The following ZHX2 variants were observed in gnomAD, a reference collection of about 807,000 sequenced individuals.
ZHX2 encodes the protein zinc fingers and homeoboxes 2, also known as zinc fingers and homeoboxes protein 2.
ZHX2 carries 6 observed loss-of-function variants against 21.9 expected under a neutral mutation model. The ratio of observed to expected loss-of-function variants is 0.27; its 90% confidence interval spans 0.15 to 0.54. The LOEUF is 0.54. ZHX2 is among the 20% of genes least tolerant of loss of function. The pLI is 0.95. For missense variants in ZHX2, 908 were observed against 1,090.7 expected (o/e 0.83, Z 2.36); for synonymous variants, 434 against 437.1 (o/e 0.99, Z 0.09).
At chr8:122,852,730 G>A (rs1288121129) in intron 1 of ZHX2, among the ~76,000 whole-genome samples, 1 of 152,206 alleles carries the variant, frequency 6.6e-6, no homozygotes, top group African/African-American at 2.4e-5. Flanking sequence ...AGAATGGGAC[G>A]AGACGGGGCA....
At chr8:122,962,275 C>G (rs962736335) in intron 3 of ZHX2, among the ~76,000 whole-genome samples, 7 of 152,178 alleles carry the variant, frequency 4.6e-5, no homozygotes, top group African/African-American at 1.7e-4. Context: ...CCCTGACCCC[C>G]CTCTCATCCT....
chr8:122,894,873 A>C (rs1236278041), intron 2 of ZHX2, among the ~76,000 whole-genome samples: 5 of 152,286 alleles, frequency 3.3e-5, no homozygotes, highest in Non-Finnish European at 5.9e-5. Context: ...CACATGAGGA[A>C]ACAGGTTATG....
In ZHX2 at chr8:122,835,625, G is replaced by C. The variant is rs188571576; in HGVS notation, c.-282-27852G>C. Among the ~76,000 whole-genome samples, 42 of 152,276 alleles carry C rather than the reference G, an allele frequency of 2.8e-4. 1 individual carries two copies. The highest frequency in any genetic ancestry group is 5.0e-4 in the Non-Finnish European group (34 of 68,022). Reference sequence around the variant, plus strand: ...AGATGGTTGAGAGGAAGAGGTAAGGGCTGGGAGGGGTGGACAGCAGTCTGC... The same window carrying C: ...AGATGGTTGAGAGGAAGAGGTAAGGCCTGGGAGGGGTGGACAGCAGTCTGC... On this transcript the variant is annotated intron_variant, in intron 1 of 3. Coordinates refer to ENST00000314393, the MANE Select transcript of ZHX2 (RefSeq NM_014943.5).
At chr8:122,831,008 G>T (rs1818362265) in intron 1 of ZHX2, among the ~76,000 whole-genome samples, 1 of 152,170 alleles carries the variant, frequency 6.6e-6, no homozygotes, top group African/African-American at 2.4e-5. Flanking sequence ...TATTCTTAAG[G>T]ATGTAGAGTC....
chr8:122,857,087 C>T (rs1371183528), intron 1 of ZHX2, among the ~76,000 whole-genome samples: 11 of 152,172 alleles, frequency 7.2e-5, no homozygotes, highest in Admixed American at 7.2e-4. Flanking sequence ...CCTCTCCCTG[C>T]CTGGTGTGCG....
intron 1 of ZHX2, among the ~76,000 whole-genome samples, chr8:122,861,484 C>G (rs1819166225): frequency 1.3e-5 from 2 of 152,116 alleles, no homozygotes; most frequent in East Asian, 3.9e-4. Flanking sequence ...GGTCATGCAC[C>G]CTGCATGGGT....
Position 122,952,209 on chromosome 8 carries a change from G to A in ZHX2, c.699G>A (p.Glu233=), listed in dbSNP as rs1471163033. The change falls in exon 3 of 4, where the codon GAG becomes GAA. Residue 233 remains glutamate, a synonymous_variant. Transcript: ENST00000314393. The surrounding 1 kb of genome is among the most constrained non-coding windows in gnomAD (Gnocchi z 6.9). The part of the protein sequence containing the change: ...AEILSRLGGV[E]LLQDTLGHVM... Reference sequence around the variant, plus strand: ...TCCTCTCGAGACTCGGCGGGGTGGAGCTCCTCCAAGACACATTAGGACACG... The same window carrying A: ...TCCTCTCGAGACTCGGCGGGGTGGAACTCCTCCAAGACACATTAGGACACG... The A allele has an allele frequency of 1.9e-6, 3 of 1,613,490 alleles. No individual in the cohort carries two copies. The highest frequency in any genetic ancestry group is 4.5e-5 in the East Asian group (2 of 44,842).
At chr8:122,957,313 A>AAT (rs1813329797) in intron 3 of ZHX2, among the ~76,000 whole-genome samples, 1 of 150,424 alleles carries the variant, frequency 6.6e-6, no homozygotes, top group Non-Finnish European at 1.5e-5. Flanking sequence ...AAAAAAAAAA[A>AAT]ACATGCAGGA....
chr8:122,834,460 G>A (rs965841958), intron 1 of ZHX2, among the ~76,000 whole-genome samples: 1 of 152,232 alleles, frequency 6.6e-6, no homozygotes, highest in African/African-American at 2.4e-5. Context: ...TGAAACAGGC[G>A]CCAGGTGGAG....
rs779296945 is a variant in ZHX2 at position 122,782,242 on chromosome 8, CGAGGAG to C, written c.-283+314_-283+319del. Among the ~76,000 whole-genome samples, 17 of 150,614 alleles carry C rather than the reference CGAGGAG, an allele frequency of 1.1e-4. No homozygotes were observed. The highest frequency in any genetic ancestry group is 2.0e-4 in the Admixed American group (3 of 15,136). On this transcript the variant is annotated intron_variant, in intron 1 of 3. Transcript: ENST00000314393. The surrounding 1 kb of genome is among the most constrained non-coding windows in gnomAD (Gnocchi z 5.3). Reference sequence around the variant, plus strand: ...AAGTTTGGATAAATGGGAGCCAGAGCGAGGAGGAGGAGGAGGAGGAGGAAAAACATG... The same window carrying C: ...AAGTTTGGATAAATGGGAGCCAGAGCGAGGAGGAGGAGGAGGAAAAACATG...
intron 1 of ZHX2, among the ~76,000 whole-genome samples, chr8:122,858,464 A>C (rs1368438931): frequency 6.6e-6 from 1 of 152,096 alleles, no homozygotes; most frequent in Non-Finnish European, 1.5e-5. Context: ...GCGGGGACTC[A>C]TGGGGAAAAT....
chr8:122,966,813 C>T (rs184333826), intron 3 of ZHX2, among the ~76,000 whole-genome samples: 17 of 152,276 alleles, frequency 1.1e-4, no homozygotes, highest in Admixed American at 9.8e-4. Flanking sequence ...GGTCATTTCA[C>T]GTAATCCCAA....
chr8:122,806,961 C>A (rs1817836701), intron 1 of ZHX2, among the ~76,000 whole-genome samples: 1 of 152,184 alleles, frequency 6.6e-6, no homozygotes, highest in African/African-American at 2.4e-5. Flanking sequence ...CTTAGACCCT[C>A]TGATCTCATG....
Position 122,947,781 on chromosome 8 carries a change from G to A in ZHX2, c.-219-3511G>A, listed in dbSNP as rs187051806. Among the ~76,000 whole-genome samples, 474 of 152,068 alleles carry A rather than the reference G, an allele frequency of 3.1e-3. 4 individuals carry two copies. Among genetic ancestry groups the A allele is most frequent in the African/African-American group, 0.011 (461 of 41,484 alleles). On this transcript the variant is annotated intron_variant, in intron 2 of 3. Coordinates refer to ENST00000314393, the MANE Select transcript of ZHX2 (RefSeq NM_014943.5). Reference sequence around the variant, plus strand: ...GCAGAGGTGCTGTGAGGGGAGTGAGGTCCTGACAGAGCCACTGGAGTGTGA... The same window carrying A: ...GCAGAGGTGCTGTGAGGGGAGTGAGATCCTGACAGAGCCACTGGAGTGTGA...
intron 1 of ZHX2, among the ~76,000 whole-genome samples, chr8:122,833,139 T>C (rs1273552886): frequency 6.6e-6 from 1 of 152,150 alleles, no homozygotes; most frequent in Non-Finnish European, 1.5e-5. Context: ...GAAAAAGGCA[T>C]TGTTTAAGGT....
chr8:122,790,104 C>T (rs1381450048), intron 1 of ZHX2, among the ~76,000 whole-genome samples: 1 of 152,120 alleles, frequency 6.6e-6, no homozygotes, highest in East Asian at 1.9e-4. Flanking sequence ...TTTCCTGGTA[C>T]AGGATATATA....
chr8:122,903,685 A>G (rs1010445393), intron 2 of ZHX2, among the ~76,000 whole-genome samples: 2 of 151,716 alleles, frequency 1.3e-5, no homozygotes, highest in African/African-American at 4.8e-5. Context: ...TTCATAAAAG[A>G]CTTTGAAAGG....
rs1175186134 is a variant in ZHX2, at chr8:122,782,123, G to A, written c.-283+177G>A. Among the ~76,000 whole-genome samples the A allele has an allele frequency of 2.0e-5, 2 of 98,086 alleles. No homozygotes were observed. Among genetic ancestry groups the A allele is most frequent in the South Asian group, 9.7e-4 (2 of 2,072 alleles). The allele number at this position is 98,086 out of a possible 152,430, so 64.3% of individuals were successfully genotyped here. ...GGTTTGTGATTGGAAGGGGGGTACG[G>A]AAGGGGGGGGGTGTGCAGGCTCTTT... On this transcript the variant is annotated intron_variant, in intron 1 of 3. Coordinates refer to ENST00000314393, the MANE Select transcript of ZHX2 (RefSeq NM_014943.5). The surrounding 1 kb of genome is among the most constrained non-coding windows in gnomAD (Gnocchi z 5.3).
intron 1 of ZHX2, among the ~76,000 whole-genome samples, chr8:122,797,685 G>A (rs568919116): frequency 2.0e-5 from 3 of 152,240 alleles, no homozygotes; most frequent in African/African-American, 7.2e-5. Flanking sequence ...ATGTGGAGGA[G>A]CAGTCCTGGA....
Sources: gnomAD v4.1 joint callset for allele counts (sites outside exome capture counted in the v4.1 genomes callset) on GRCh38, gnomAD v4.1.1 for gene constraint, Gnocchi (gnomAD v3.1) non-coding constraint, MANE v1.5 for transcripts, NCBI Gene and HGNC (gene_info 2026-07-23, HGNC 2026-07-21) for gene names.